Variants in PAPPA observed in about 807,000 individuals in gnomAD.
PAPPA encodes pappalysin 1.
PAPPA carries 60 observed loss-of-function variants against 164.0 expected under a neutral mutation model. That is an observed-to-expected ratio of 0.37 (90% CI 0.30 to 0.45). The LOEUF is 0.45. Ranked by LOEUF, PAPPA falls within the 20% of genes least tolerant of loss-of-function variation. The pLI, the probability that PAPPA is intolerant of heterozygous loss-of-function variation, is 1.00. For missense variants in PAPPA, 1,782 were observed against 2,087.3 expected, an observed-to-expected ratio of 0.85 and a Z score of 2.85; for synonymous variants, 875 against 814.1, an observed-to-expected ratio of 1.07 and a Z score of -1.27.
chr9:116,199,390 C>G (rs925614438), intron 2 of PAPPA, among the ~76,000 whole-genome samples: 2 of 152,222 alleles, frequency 1.3e-5, no homozygotes, highest in African/African-American at 2.4e-5. Context: ...ACCAGACCAA[C>G]ATTTCAGCTT....
intron 10 of PAPPA, among the ~76,000 whole-genome samples, chr9:116,322,872 C>T (rs534723712): frequency 6.6e-6 from 1 of 152,250 alleles, no homozygotes; most frequent in South Asian, 2.1e-4. Context: ...CCGCACTCCT[C>T]CTCCCCATTC....
intron 15 of PAPPA, among the ~76,000 whole-genome samples, chr9:116,349,078 G>A (rs1846248143): frequency 6.6e-6 from 1 of 151,916 alleles, no homozygotes; most frequent in Non-Finnish European, 1.5e-5. Context: ...TTCTTAATCT[G>A]TCTTCTTCCT....
chr9:116,358,613 C>G (rs58155261), intron 17 of PAPPA, among the ~76,000 whole-genome samples: 3,579 of 152,346 alleles, frequency 0.023, 132 homozygotes, highest in African/African-American at 0.079. Flanking sequence ...AGCTCCTGCA[C>G]TCACTGCCTG....
rs1054323913 is a variant in PAPPA at position 116,344,396 on chromosome 9, A to G, written c.3612-147A>G. On this transcript the variant is annotated intron_variant, in intron 13 of 21. Coordinates refer to ENST00000328252, the MANE Select transcript of PAPPA (RefSeq NM_002581.5). ...AACTTTAATCGCTGCCTCTAGAGTCATCTTCACCCTAGCCAGCACCCCTTT... is the reference window on the plus strand; with the variant it reads ...AACTTTAATCGCTGCCTCTAGAGTCGTCTTCACCCTAGCCAGCACCCCTTT... 4.4e-6 allele frequency: 3 copies of G among 684,222 alleles called. No homozygotes were observed. In the African/African-American group the frequency reaches 5.3e-5, roughly 12 times the overall value. 42.4% of individuals were successfully genotyped at this position (684,222 alleles called of 1,614,324 possible).
At position 116,398,986 on chromosome 9, in the gene PAPPA, G is replaced by T. The variant is rs564607614; in HGVS notation, c.*2370G>T. On this transcript the variant is annotated 3_prime_UTR_variant, in exon 22 of 22. Coordinates refer to ENST00000328252, the MANE Select transcript of PAPPA (RefSeq NM_002581.5). ...CCTTAGAAGGTACAAGCTAAGAAAT[G>T]TAACAGTATCAACCCTCCCAGTTGC... 4 of 256,602 alleles carry T rather than the reference G, an allele frequency of 1.6e-5. No homozygotes were observed. The highest frequency in any genetic ancestry group is 3.1e-5 in the Non-Finnish European group (4 of 130,438). The allele number at this position is 256,602 out of a possible 1,614,324, so 15.9% of individuals were successfully genotyped here.
At chr9:116,337,127 C>G (rs16933442) in intron 13 of PAPPA, among the ~76,000 whole-genome samples, 4,480 of 152,238 alleles carry the variant, frequency 0.029, 254 homozygotes, top group East Asian at 0.28. Context: ...CAGCAAGGCA[C>G]GAGTAGCAGA....
Position 116,188,417 on chromosome 9 carries a change from G to A in PAPPA, c.1478+201G>A, listed in dbSNP as rs577531604. Among the ~76,000 whole-genome samples, 213 of 152,204 alleles carry A rather than the reference G, an allele frequency of 1.4e-3. 1 individual carries two copies. The highest frequency in any genetic ancestry group is 5.0e-3 in the African/African-American group (208 of 41,506). On this transcript the variant is annotated intron_variant, in intron 2 of 21. Transcript: ENST00000328252. The stretch of plus-strand genomic sequence containing the variant: ...AGTTTATTATAAAAATATTTATTGA[G>A]TGCCTACCATGAGTCATGAGGGAAG...
rs374764960 is a variant in PAPPA, at chr9:116,187,551, C to T, written c.813C>T (p.Asp271=). The T allele has an allele frequency of 6.2e-7, 1 of 1,614,248 alleles. No homozygotes were observed. The highest frequency in any genetic ancestry group is 2.2e-5 in the East Asian group (1 of 44,874). ...GGACTCAGCGGGAGATACTGTCTGA[C>T]ATGGAAACCCATGGCGCCCACACTG... is the stretch of plus-strand genomic sequence containing the variant. ...VARTQREILS[D]METHGAHTAL... Residue 271 remains aspartate (D), a synonymous_variant, in exon 2 of 22, where the codon GAC becomes GAT. Transcript: ENST00000328252. The surrounding 1 kb of genome is among the most constrained non-coding windows in gnomAD (Gnocchi z 4.2).
intron 6 of PAPPA, among the ~76,000 whole-genome samples, chr9:116,234,044 T>A (rs541691405): frequency 2.8e-4 from 42 of 152,252 alleles, no homozygotes; most frequent in East Asian, 1.7e-3. Flanking sequence ...CTCTTAATTT[T>A]TTTTTAAGGT....
intron 3 of PAPPA, 104 bp downstream of exon 3, chr9:116,207,705 T>C: frequency 1.2e-6 from 1 of 847,426 alleles, no homozygotes; most frequent in East Asian, 2.8e-5. Flanking sequence ...GTGGTAGTTG[T>C]GAGGGTGAAC....
chr9:116,305,035 AG>A (rs1484968476), intron 10 of PAPPA, among the ~76,000 whole-genome samples: 2 of 151,864 alleles, frequency 1.3e-5, no homozygotes, highest in East Asian at 1.9e-4. Context: ...TCTGAAAGCA[AG>A]TACCTAGAAG....
In PAPPA at chr9:116,253,855, A is replaced by G. The variant is rs1844890413; in HGVS notation, c.2733-12002A>G. On this transcript the variant is annotated intron_variant, in intron 7 of 21. Coordinates refer to ENST00000328252, the MANE Select transcript of PAPPA (RefSeq NM_002581.5). The stretch of plus-strand genomic sequence containing the variant: ...TAAAAATATCTAGCATACTACCAAA[A>G]TTTTCTAGGTACTCAATTTATTCCA... 2.0e-5 allele frequency among the ~76,000 whole-genome samples: 3 copies of G among 152,290 alleles called. No individual in the cohort carries two copies. The South Asian group carries it at 6.2e-4, about 32-fold the overall frequency.
chr9:116,317,966 AT>A (rs1020327303), intron 10 of PAPPA, among the ~76,000 whole-genome samples: 2 of 152,210 alleles, frequency 1.3e-5, no homozygotes, highest in Non-Finnish European at 2.9e-5. Context: ...TTAGCAATGT[AT>A]TTTTTTAAAT....
intron 1 of PAPPA, among the ~76,000 whole-genome samples, chr9:116,186,009 T>G (rs1438872682): frequency 6.6e-6 from 1 of 152,076 alleles, no homozygotes; most frequent in African/African-American, 2.4e-5. Context: ...TCTCTCTATC[T>G]CCTTTAACTT....
rs202215173 is a variant in PAPPA, at chr9:116,294,182, G to A, written c.2954-8575G>A. Among the ~76,000 whole-genome samples, 231 of 152,238 alleles carry A rather than the reference G, an allele frequency of 1.5e-3. 1 individual carries two copies. Among genetic ancestry groups the A allele is most frequent in the African/African-American group, 5.2e-3 (216 of 41,542 alleles). On this transcript the variant is annotated intron_variant, in intron 9 of 21. Transcript: ENST00000328252. ...GTGTGATAATGTGATTACTTCCAGG[G>A]ATGCTCTTCTTTTCCAGTGCCTTCA...
At chr9:116,199,527 C>A (rs1844146716) in intron 2 of PAPPA, among the ~76,000 whole-genome samples, 1 of 152,142 alleles carries the variant, frequency 6.6e-6, no homozygotes, top group African/African-American at 2.4e-5. Flanking sequence ...CACCTCTACT[C>A]CATCTCCCAA....
At chr9:116,386,321 C>G (rs1279118530) in intron 21 of PAPPA, among the ~76,000 whole-genome samples, 2 of 152,164 alleles carry the variant, frequency 1.3e-5, no homozygotes, top group Admixed American at 6.5e-5. Flanking sequence ...TCTCCTCTTT[C>G]TTGGACACCC....
intron 13 of PAPPA, among the ~76,000 whole-genome samples, chr9:116,338,871 C>T (rs1846097936): frequency 6.6e-6 from 1 of 152,178 alleles, no homozygotes; most frequent in Admixed American, 6.6e-5. Flanking sequence ...CTATTTTTCT[C>T]ATTTCAAAGG....
chr9:116,389,188 A>G (rs113377787), intron 21 of PAPPA, among the ~76,000 whole-genome samples: 2,243 of 144,396 alleles, frequency 0.016, 56 homozygotes, highest in African/African-American at 0.056. Flanking sequence ...GCTGGAGTGC[A>G]GTGGCATAAT....
Sources: gnomAD v4.1 joint callset for allele counts (sites outside exome capture counted in the v4.1 genomes callset) on GRCh38, gnomAD v4.1.1 for gene constraint, Gnocchi (gnomAD v3.1) non-coding constraint, MANE v1.5 for transcripts, NCBI Gene and HGNC (gene_info 2026-07-23, HGNC 2026-07-21) for gene names.